ARID2: variants seen among roughly 807,000 people sequenced by gnomAD.
ARID2 encodes AT-rich interactive domain-containing protein 2.
Under a neutral mutation model 184.6 loss-of-function variants are expected in ARID2, and 32 were observed. That is an observed-to-expected ratio of 0.17 (90% confidence interval 0.13 to 0.23). ARID2 has a LOEUF of 0.23. ARID2 is among the 10% of genes least tolerant of loss of function. ARID2 has a pLI of 1.00. For synonymous variants in ARID2, 836 were observed against 772.6 expected, an observed-to-expected ratio of 1.08 and a Z score of -1.36; for missense variants, 1,696 against 2,197.6, an observed-to-expected ratio of 0.77 and a Z score of 4.56.
intron 16 of ARID2, chr12:45,874,304 T>C (rs575060084): frequency 3.8e-4 from 62 of 161,094 alleles, no homozygotes; most frequent in African/African-American, 1.1e-3. Flanking sequence ...CACTCCAACC[T>C]GGACAATAGA....
chr12:45,815,896 T>A (rs1942795998), intron 4 of ARID2, among the ~76,000 whole-genome samples: 1 of 152,128 alleles, frequency 6.6e-6, no homozygotes, highest in Non-Finnish European at 1.5e-5. Flanking sequence ...CCTGGCCTCA[T>A]GTGATCTTCC....
At chr12:45,893,315 T>C (rs1944327402) in intron 18 of ARID2, 105 bp from the exon 19 acceptor site, 2 of 1,363,334 alleles carry the variant, frequency 1.5e-6, no homozygotes, top group Admixed American at 2.8e-5. Context: ...GTAAACACGA[T>C]TTTAAAATAA....
At chr12:45,732,183 G>T (rs887220106) in intron 3 of ARID2, among the ~76,000 whole-genome samples, 1 of 151,992 alleles carries the variant, frequency 6.6e-6, no homozygotes, top group Admixed American at 6.6e-5. Flanking sequence ...AAGTTAGTTG[G>T]TGTTATTAAA....
At chr12:45,766,178 T>G (rs1186721682) in intron 3 of ARID2, among the ~76,000 whole-genome samples, 1 of 152,086 alleles carries the variant, frequency 6.6e-6, no homozygotes, top group Non-Finnish European at 1.5e-5. Context: ...TTAACTTTTT[T>G]TTTTTTTGAG....
At chr12:45,863,301 C>T (rs1032800619) in intron 16 of ARID2, among the ~76,000 whole-genome samples, 6 of 152,212 alleles carry the variant, frequency 3.9e-5, no homozygotes, top group South Asian at 4.2e-4. Context: ...ACAAGCATAA[C>T]GACATGAAAA....
At chr12:45,787,949 C>T (rs2138048399) in intron 3 of ARID2, among the ~76,000 whole-genome samples, 1 of 152,272 alleles carries the variant, frequency 6.6e-6, no homozygotes, top group East Asian at 1.9e-4. Flanking sequence ...ATTCATAGGG[C>T]ACATTAAGCA....
intron 6 of ARID2, among the ~76,000 whole-genome samples, chr12:45,830,262 T>C (rs1592103522): frequency 6.6e-6 from 1 of 152,220 alleles, no homozygotes; most frequent in South Asian, 2.1e-4. Flanking sequence ...ACAGATTGGA[T>C]TGAAAGTTCA....
At chr12:45,855,605 T>C (rs149106415) in intron 15 of ARID2, among the ~76,000 whole-genome samples, 118 of 152,332 alleles carry the variant, frequency 7.7e-4, no homozygotes, top group African/African-American at 2.8e-3. Flanking sequence ...AAAAATTAAC[T>C]GTTCAAGATG....
At chr12:45,867,098 G>C (rs756466279) in intron 16 of ARID2, among the ~76,000 whole-genome samples, 1 of 151,884 alleles carries the variant, frequency 6.6e-6, no homozygotes, top group African/African-American at 2.4e-5. Flanking sequence ...CTACAGGTGC[G>C]TGCCACCATG....
chr12:45,738,113 C>G (rs1024030476), intron 3 of ARID2, among the ~76,000 whole-genome samples: 9 of 151,468 alleles, frequency 5.9e-5, no homozygotes, highest in African/African-American at 2.2e-4. Flanking sequence ...TTACTATATT[C>G]TTTCCAAATG....
chr12:45,893,815 G>A (rs1175557382), intron 20 of ARID2, 94 bp downstream of exon 20: 2 of 1,134,920 alleles, frequency 1.8e-6, no homozygotes, highest in Non-Finnish European at 2.4e-6. Flanking sequence ...TTTCTTCATT[G>A]TTTTTCTCAT....
At chr12:45,799,120 A>G (rs911412692) in intron 3 of ARID2, among the ~76,000 whole-genome samples, 6 of 152,002 alleles carry the variant, frequency 3.9e-5, no homozygotes, top group African/African-American at 1.4e-4. Context: ...TATTATTCTT[A>G]TTGTTTGTCT....
intron 3 of ARID2, among the ~76,000 whole-genome samples, chr12:45,777,399 G>A (rs1467527762): frequency 6.6e-6 from 1 of 152,050 alleles, no homozygotes; most frequent in Non-Finnish European, 1.5e-5. Flanking sequence ...TGACTGAATT[G>A]CCATTGAGAT....
chr12:45,828,159 G>T (rs923806518), intron 6 of ARID2, among the ~76,000 whole-genome samples: 10 of 151,932 alleles, frequency 6.6e-5, no homozygotes, highest in African/African-American at 2.4e-4. Flanking sequence ...TCTGAAGTAC[G>T]CCTATTCATT....
At chr12:45,753,133 C>A (rs1295389564) in intron 3 of ARID2, among the ~76,000 whole-genome samples, 1 of 152,036 alleles carries the variant, frequency 6.6e-6, no homozygotes, top group Non-Finnish European at 1.5e-5. Context: ...TGTGGTGGCG[C>A]ATGCCTGTAA....
intron 11 of ARID2, 30 bp downstream of exon 11, chr12:45,839,526 G>A (rs2138137959): frequency 1.9e-6 from 3 of 1,581,932 alleles, no homozygotes; most frequent in Non-Finnish European, 2.6e-6. Context: ...CTTTTTCAGT[G>A]TGGTTACGAG....
chr12:45,882,950 C>T (rs1163543717), intron 16 of ARID2, among the ~76,000 whole-genome samples: 1 of 152,154 alleles, frequency 6.6e-6, no homozygotes. Context: ...CAGTTCTTTG[C>T]TGACTTAGCC....
Position 45,821,447 on chromosome 12 carries a change from G to C in ARID2, c.665G>C (p.Gly222Ala). 6.6e-7 allele frequency: 1 copy of C among 1,522,348 alleles called. No individual in the cohort carries two copies. The highest frequency in any genetic ancestry group is 8.8e-7 in the Non-Finnish European group (1 of 1,141,654). 94.3% of individuals were successfully genotyped at this position (1,522,348 alleles called of 1,614,324 possible). The change falls in exon 6 of 21, where the codon GGA becomes GCA. Residue 222 changes from glycine to alanine, a missense_variant. Coordinates refer to ENST00000334344, the MANE Select transcript of ARID2 (RefSeq NM_152641.4). ...TTAGGATCCTTTTCCACTGTATTTG[G>C]AGAAGAATGGAAAGAGAAGACTGAT... is the stretch of plus-strand genomic sequence containing the variant. ...DTLGSFSTVFGEEWKEKTDRD... is the reference protein window; with the variant it reads ...DTLGSFSTVFAEEWKEKTDRD...
intron 5 of ARID2, among the ~76,000 whole-genome samples, chr12:45,821,137 T>C (rs964220881): frequency 2.6e-5 from 4 of 152,174 alleles, no homozygotes; most frequent in African/African-American, 9.6e-5. Flanking sequence ...TGAAAGCCAG[T>C]GTGGAGTAAC....
Sources: allele counts gnomAD v4.1 joint callset (sites outside exome capture counted in the v4.1 genomes callset), GRCh38; gene constraint gnomAD v4.1.1; transcripts MANE v1.5; gene names NCBI Gene and HGNC (gene_info 2026-07-23, HGNC 2026-07-21).